GALNT2: variants seen among roughly 807,000 people sequenced by gnomAD.
GALNT2 encodes polypeptide N-acetylgalactosaminyltransferase 2, also known as UDP-GalNAc:polypeptide N-acetylgalactosaminyltransferase 2.
GALNT2 carries 31 observed loss-of-function variants against 81.4 expected under a neutral mutation model. That is an observed-to-expected ratio of 0.38 (90% CI 0.29 to 0.51). The LOEUF (loss-of-function observed/expected upper bound fraction) is 0.51. Among genes scored for constraint, GALNT2 ranks in the 20% least tolerant of loss-of-function variants. GALNT2 has a pLI of 0.87. For missense variants in GALNT2, 629 were observed against 765.7 expected (o/e 0.82, Z 2.11); for synonymous variants, 303 against 287.4 (o/e 1.05, Z -0.55).
At chr1:230,129,727 T>C (rs1392593336) in intron 1 of GALNT2, among the ~76,000 whole-genome samples, 1 of 152,234 alleles carries the variant, frequency 6.6e-6, no homozygotes, top group Non-Finnish European at 1.5e-5. Flanking sequence ...CGTTTTAGAC[T>C]CAGGGTGCAT....
intron 1 of GALNT2, among the ~76,000 whole-genome samples, chr1:230,096,657 C>T (rs1011615053): frequency 1.3e-5 from 2 of 152,230 alleles, no homozygotes; most frequent in African/African-American, 4.8e-5. Flanking sequence ...TCCTTGGCAG[C>T]CTGGGGGCAG....
chr1:230,058,403 G>T (rs1454684544), intron 1 of GALNT2, among the ~76,000 whole-genome samples: 2 of 152,140 alleles, frequency 1.3e-5, no homozygotes, highest in African/African-American at 2.4e-5. Context: ...TGCTGTGCTC[G>T]GTCGCTTTCC....
At chr1:230,277,275 T>A (rs1194191576) in intron 15 of GALNT2, among the ~76,000 whole-genome samples, 8 of 151,908 alleles carry the variant, frequency 5.3e-5, no homozygotes, top group Non-Finnish European at 2.9e-5. Context: ...CCAACCACAA[T>A]CCCATCAGAC....
At chr1:230,238,833 G>T (rs779599359) in intron 6 of GALNT2, among the ~76,000 whole-genome samples, 8 of 152,156 alleles carry the variant, frequency 5.3e-5, no homozygotes, top group Non-Finnish European at 1.2e-4. Context: ...TCCAGTTTTG[G>T]CATTATGGTT....
chr1:230,108,319 A>G (rs1253173373), intron 1 of GALNT2, among the ~76,000 whole-genome samples: 5 of 152,226 alleles, frequency 3.3e-5, no homozygotes, highest in African/African-American at 1.2e-4. Context: ...TTTCGCTTAC[A>G]CTTTTTCAAC....
intron 15 of GALNT2, among the ~76,000 whole-genome samples, chr1:230,277,265 C>A (rs1032125125): frequency 6.6e-6 from 1 of 152,276 alleles, no homozygotes; most frequent in East Asian, 1.9e-4. Context: ...CTCCCCACCC[C>A]CAACCACAAT....
intron 1 of GALNT2, among the ~76,000 whole-genome samples, chr1:230,078,913 G>A (rs1659645718): frequency 6.6e-6 from 1 of 152,174 alleles, no homozygotes; most frequent in African/African-American, 2.4e-5. Flanking sequence ...GGGCTCAGGC[G>A]ATTCTCCACT....
chr1:230,201,928 A>G (rs919914731), intron 2 of GALNT2, among the ~76,000 whole-genome samples: 3 of 152,124 alleles, frequency 2.0e-5, no homozygotes, highest in African/African-American at 7.2e-5. Flanking sequence ...TGCCCCCATA[A>G]CAGCCTTATG....
chr1:230,230,907 C>T (rs1449198120), intron 3 of GALNT2, among the ~76,000 whole-genome samples: 1 of 152,148 alleles, frequency 6.6e-6, no homozygotes, highest in Non-Finnish European at 1.5e-5. Flanking sequence ...TGTGGTCTTA[C>T]TGTTGGCCAC....
intron 12 of GALNT2, 42 bp downstream of exon 12, chr1:230,262,707 T>TTG: frequency 3.1e-6 from 3 of 971,404 alleles, no homozygotes; most frequent in Non-Finnish European, 4.6e-6. Context: ...TGGGGATTCT[T>TTG]GGGGTGTGGG....
intron 1 of GALNT2, among the ~76,000 whole-genome samples, chr1:230,132,374 T>A (rs951400366): frequency 6.6e-6 from 1 of 152,226 alleles, no homozygotes; most frequent in Admixed American, 6.5e-5. Flanking sequence ...GTCCAGGGGC[T>A]TGGTGGCCAT....
chr1:230,121,885 A>G, intron 1 of GALNT2, among the ~76,000 whole-genome samples: 1 of 151,820 alleles, frequency 6.6e-6, no homozygotes, highest in Admixed American at 6.6e-5. Flanking sequence ...TTTATCTTAT[A>G]ACGTTTATTT....
At chr1:230,273,191 A>G (rs935667414) in intron 14 of GALNT2, among the ~76,000 whole-genome samples, 5 of 152,222 alleles carry the variant, frequency 3.3e-5, no homozygotes, top group Admixed American at 6.5e-5. Context: ...CTCTGTTTCC[A>G]AGAACCAAGA....
intron 13 of GALNT2, chr1:230,264,182 CCT>C (rs1665963933): frequency 6.6e-6 from 1 of 152,412 alleles, no homozygotes; most frequent in Non-Finnish European, 1.5e-5. Flanking sequence ...CCAGCTCTGT[CCT>C]CTCGGCCATG....
chr1:230,091,280 T>C (rs1358789085), intron 1 of GALNT2, among the ~76,000 whole-genome samples: 2 of 151,962 alleles, frequency 1.3e-5, no homozygotes, highest in East Asian at 3.9e-4. Context: ...TTCACCGTGT[T>C]GGCCAGGATG....
intron 1 of GALNT2, among the ~76,000 whole-genome samples, chr1:230,073,314 T>A (rs942277768): frequency 2.0e-5 from 3 of 152,232 alleles, no homozygotes; most frequent in Admixed American, 6.5e-5. Flanking sequence ...GTCTTCAGAT[T>A]ACCTGCCCAG....
At position 230,280,045 on chromosome 1, in the gene GALNT2, G is replaced by T. The variant is rs779283004; in HGVS notation, c.*587G>T. ...TATATTGAGGATGAAGTTTTCTATG[G>T]TGGGACACTAAATATAAAGCTATAT... On this transcript the variant is annotated 3_prime_UTR_variant, in exon 16 of 16. Coordinates refer to ENST00000366672, the MANE Select transcript of GALNT2 (RefSeq NM_004481.5). 2.7e-4 allele frequency: 123 copies of T among 455,744 alleles called. No homozygotes were observed. Among genetic ancestry groups the T allele is most frequent in the Non-Finnish European group, 4.9e-4 (112 of 226,680 alleles). The allele number at this position is 455,744 out of a possible 1,614,324, so 28.2% of individuals were successfully genotyped here. A position where few individuals can be genotyped will look rare whatever the true frequency, so the allele number is the denominator to read the frequency against.
intron 12 of GALNT2, 79 bp downstream of exon 12, chr1:230,262,744 C>T (rs999732293): frequency 7.9e-5 from 113 of 1,427,566 alleles, no homozygotes; most frequent in South Asian, 2.1e-4. Context: ...CTGCCCCCAG[C>T]GTTGAATTCA....
upstream of GALNT2, among the ~76,000 whole-genome samples, chr1:230,063,771 A>C (rs1200575709): frequency 6.6e-6 from 1 of 152,210 alleles, no homozygotes; most frequent in African/African-American, 2.4e-5. Flanking sequence ...CATCTCATTT[A>C]ATGCTTTTTG....
Sources: allele counts gnomAD v4.1 joint callset (sites outside exome capture counted in the v4.1 genomes callset), GRCh38; gene constraint gnomAD v4.1.1; transcripts MANE v1.5; gene names NCBI Gene and HGNC (gene_info 2026-07-23, HGNC 2026-07-21).